RAPGEF6: variants seen among roughly 807,000 people sequenced by gnomAD.
RAPGEF6 encodes the protein Rap guanine nucleotide exchange factor 6.
Under a neutral mutation model 171.4 loss-of-function variants are expected in RAPGEF6, and 56 were observed. That is an observed-to-expected ratio of 0.33 (90% CI 0.26 to 0.41). RAPGEF6 has a LOEUF of 0.41. Among genes scored for constraint, RAPGEF6 ranks in the 10% least tolerant of loss-of-function variants. RAPGEF6 has a pLI of 1.00. For missense variants in RAPGEF6, 1,674 were observed against 1,921.4 expected (o/e 0.87, Z 2.41); for synonymous variants, 692 against 650.1 (o/e 1.06, Z -0.98).
chr5:131,518,330 T>C (rs1758237565), intron 7 of RAPGEF6, among the ~76,000 whole-genome samples: 1 of 152,076 alleles, frequency 6.6e-6, no homozygotes, highest in African/African-American at 2.4e-5. Flanking sequence ...CTTCTTTTTA[T>C]TTTGGCGTTT....
intron 8 of RAPGEF6, among the ~76,000 whole-genome samples, chr5:131,508,868 T>C (rs1047754303): frequency 3.3e-5 from 5 of 152,228 alleles, no homozygotes; most frequent in African/African-American, 1.2e-4. Context: ...AAAAGTTTTA[T>C]GAAAATAGTA....
intron 1 of RAPGEF6, among the ~76,000 whole-genome samples, chr5:131,619,122 G>C (rs939813684): frequency 6.6e-6 from 1 of 151,800 alleles, no homozygotes; most frequent in South Asian, 2.1e-4. Flanking sequence ...ACCTTGACTA[G>C]ACCCTGGATT....
chr5:131,582,044 A>G lies in RAPGEF6; in HGVS notation c.281+10339T>C, dbSNP rs532093811. Among the ~76,000 whole-genome samples, 179 of 152,254 alleles carry G rather than the reference A, an allele frequency of 1.2e-3. 1 individual carries two copies. Among genetic ancestry groups the G allele is most frequent in the African/African-American group, 4.1e-3 (170 of 41,564 alleles). On this transcript the variant is annotated intron_variant, in intron 4 of 27. Transcript: ENST00000509018. ...TAACTCCACCACCTATCCCAAACCT[A>G]TAAGAACCAATGATAATCCCACCAC... is the stretch of plus-strand genomic sequence containing the variant.
At chr5:131,531,009 G>T (rs1327508226) in intron 6 of RAPGEF6, among the ~76,000 whole-genome samples, 1 of 152,158 alleles carries the variant, frequency 6.6e-6, no homozygotes, top group Non-Finnish European at 1.5e-5. Context: ...CAAATACATT[G>T]TGTACCTAGG....
intron 1 of RAPGEF6, among the ~76,000 whole-genome samples, chr5:131,623,619 G>A (rs1478144601): frequency 1.3e-5 from 2 of 151,642 alleles, no homozygotes; most frequent in Non-Finnish European, 2.9e-5. Flanking sequence ...CCAAGTAGAT[G>A]GGATTACAGG....
At chr5:131,525,437 A>G (rs1272571165) in intron 6 of RAPGEF6, among the ~76,000 whole-genome samples, 1 of 152,226 alleles carries the variant, frequency 6.6e-6, no homozygotes, top group Admixed American at 6.5e-5. Context: ...ATGAAGTCAC[A>G]TTGGAAATTA....
At chr5:131,633,685 C>T (rs1580711673) in intron 1 of RAPGEF6, among the ~76,000 whole-genome samples, 2 of 152,042 alleles carry the variant, frequency 1.3e-5, no homozygotes, top group African/African-American at 4.8e-5. Flanking sequence ...GAGCCAATAT[C>T]GCGCCATTGC....
chr5:131,606,964 G>A (rs1287340088), intron 1 of RAPGEF6, among the ~76,000 whole-genome samples: 2 of 152,214 alleles, frequency 1.3e-5, no homozygotes, highest in East Asian at 3.8e-4. Flanking sequence ...GCCAGAACCT[G>A]CTGAATGTAG....
At chr5:131,476,297 T>G (rs1245627557) in intron 16 of RAPGEF6, among the ~76,000 whole-genome samples, 1 of 152,086 alleles carries the variant, frequency 6.6e-6, no homozygotes, top group Non-Finnish European at 1.5e-5. Context: ...CATTTTAAAA[T>G]ATTTATTGGC....
In RAPGEF6 at chr5:131,464,111, C is replaced by T. The variant is rs1218641364; in HGVS notation, c.2410G>A (p.Gly804Ser). Residue 804 changes from glycine (G) to serine (S), a missense_variant, in exon 18 of 28, where the codon GGT (glycine) becomes AGT (serine). By Grantham distance (56) the Gly-to-Ser change is moderately conservative. This residue lies in a region of RAPGEF6 where 1,116 missense variants were observed against 1,321.5 expected (regional missense o/e 0.84). Coordinates refer to ENST00000509018, the MANE Select transcript of RAPGEF6 (RefSeq NM_016340.6). ...SLCEVSVTPE[G>S]VIKQRRLPDQ... ...GGAAGTCTTCTCTGTTTTATGACAC[C>T]CTCAGGAGTAACAGAAACTTCACAG... 6 of 1,613,704 alleles carry T rather than the reference C, an allele frequency of 3.7e-6. No individual in the cohort carries two copies. Among genetic ancestry groups the T allele is most frequent in the Non-Finnish European group, 5.1e-6 (6 of 1,179,832 alleles).
chr5:131,476,216 T>C (rs1755078816), intron 16 of RAPGEF6, among the ~76,000 whole-genome samples: 1 of 152,172 alleles, frequency 6.6e-6, no homozygotes, highest in African/African-American at 2.4e-5. Flanking sequence ...ATAAAACAAC[T>C]TGGAGCATCT....
intron 27 of RAPGEF6, among the ~76,000 whole-genome samples, 171 bp downstream of exon 27, chr5:131,428,731 G>A (rs1398865207): frequency 6.6e-6 from 1 of 152,040 alleles, no homozygotes; most frequent in Admixed American, 6.6e-5. Flanking sequence ...CAAAGTGCTG[G>A]GATTACAGGT....
At chr5:131,608,522 T>C (rs1374990717) in intron 1 of RAPGEF6, among the ~76,000 whole-genome samples, 2 of 152,076 alleles carry the variant, frequency 1.3e-5, no homozygotes, top group Admixed American at 6.5e-5. Context: ...TTGTGAGCAG[T>C]AGATATGGGT....
chr5:131,430,912 G>A lies in RAPGEF6; in HGVS notation c.4412C>T (p.Ala1471Val). 6.2e-7 allele frequency: 1 copy of A among 1,612,584 alleles called. No individual in the cohort carries two copies. Among genetic ancestry groups the A allele is most frequent in the Non-Finnish European group, 8.5e-7 (1 of 1,179,518 alleles). ...ESSEGLDPKDATDPVYKTVTS... is the reference protein window; with the variant it reads ...ESSEGLDPKDVTDPVYKTVTS... ...GACAGTTTTATAAACTGGGTCAGTG[G>A]CATCCTTGGGGTCCAAGCCTTCAGA... The change falls in exon 26 of 28, where the codon GCC becomes GTC. Residue 1471 changes from alanine (A) to valine (V), a missense_variant. Around this residue, in one of 3 missense-constraint regions of RAPGEF6, gnomAD observed 552 missense variants for 574.2 expected, o/e 0.96. Coordinates refer to ENST00000509018, the MANE Select transcript of RAPGEF6 (RefSeq NM_016340.6).
intron 1 of RAPGEF6, 32 bp downstream of exon 1, chr5:131,634,928 CTG>C (rs1766545242): frequency 1.2e-6 from 2 of 1,612,730 alleles, no homozygotes; most frequent in South Asian, 1.1e-5. Context: ...GTCTACTGGA[CTG>C]TGAGACGCAC....
In RAPGEF6 at chr5:131,433,449, G is replaced by C. The variant is rs369864774; in HGVS notation, c.3955C>G (p.His1319Asp). ...GCTTACCCAGGGCCATGTTGACTAT[G>C]ATCTCCTATCCCTGAAGCGTGCTCT... The part of the protein sequence containing the change: ...KTEHASGIGD[H>D]SQHGPGWTLL... The change falls in exon 25 of 28, where the codon CAT (histidine) becomes GAT (aspartate). Residue 1319 changes from histidine (H) to aspartate (D), a missense_variant. Around this residue, in one of 3 missense-constraint regions of RAPGEF6, gnomAD observed 552 missense variants for 574.2 expected, o/e 0.96. Transcript: ENST00000509018. 42 of 1,612,166 alleles carry C rather than the reference G, an allele frequency of 2.6e-5. No homozygotes were observed. The highest frequency in any genetic ancestry group is 3.6e-5 in the Non-Finnish European group (42 of 1,178,360).
At chr5:131,446,285 CT>C (rs1170367364) in intron 22 of RAPGEF6, among the ~76,000 whole-genome samples, 197 bp downstream of exon 22, 2 of 148,872 alleles carry the variant, frequency 1.3e-5, no homozygotes, top group Non-Finnish European at 2.9e-5. Flanking sequence ...ACTTATCCCT[CT>C]ATTTTTTGGA....
At chr5:131,529,251 G>A (rs1376329503) in intron 6 of RAPGEF6, among the ~76,000 whole-genome samples, 1 of 151,856 alleles carries the variant, frequency 6.6e-6, no homozygotes, top group Admixed American at 6.6e-5. Flanking sequence ...TGAGGTGGGT[G>A]GATCATTTGA....
intron 20 of RAPGEF6, 61 bp from the exon 21 acceptor site, chr5:131,453,238 A>G: frequency 6.6e-7 from 1 of 1,508,776 alleles, no homozygotes; most frequent in African/African-American, 1.4e-5. Flanking sequence ...AAGTAGCAAA[A>G]GTCAAGCTGG....
Sources: allele counts gnomAD v4.1 joint callset (sites outside exome capture counted in the v4.1 genomes callset), GRCh38; gene constraint gnomAD v4.1.1; regional missense constraint gnomAD v4.1.1; transcripts MANE v1.5; gene names NCBI Gene and HGNC (gene_info 2026-07-23, HGNC 2026-07-21).